The following PCCB variants were observed in gnomAD, a reference collection of about 807,000 sequenced individuals.
The protein encoded by PCCB is propionyl-CoA carboxylase subunit beta.
PCCB carries 43 observed loss-of-function variants against 60.7 expected under a neutral mutation model. The ratio of observed to expected loss-of-function variants is 0.71; its 90% CI spans 0.55 to 0.91. The LOEUF (loss-of-function observed/expected upper bound fraction) is 0.91. PCCB is among the 40% of genes least tolerant of loss of function. The probability of loss-of-function intolerance (pLI) is 0.00; values close to 1 mark genes in which losing one functional copy is unlikely to be tolerated. For missense variants in PCCB, 766 were observed against 702.8 expected (o/e 1.09, Z -1.02); for synonymous variants, 276 against 255.9 (o/e 1.08, Z -0.75).
chr3:136,251,131 C>T, intron 1 of PCCB: 1 of 440,400 alleles, frequency 2.3e-6, no homozygotes, highest in Admixed American at 2.4e-5. Context: ...TGATGGGTAG[C>T]AAAGGCACGT....
At chr3:136,327,583 C>A in intron 12 of PCCB, 51 bp from the exon 13 acceptor site, 1 of 1,382,568 alleles carries the variant, frequency 7.2e-7, no homozygotes, top group Non-Finnish European at 1.0e-6. Context: ...CTTTCAGGGA[C>A]ATGATCTGGC....
Position 136,260,500 on chromosome 3 carries a change from A to G in PCCB, c.394A>G (p.Ser132Gly). 6.2e-7 allele frequency: 1 copy of G among 1,613,752 alleles called. No homozygotes were observed. The highest frequency in any genetic ancestry group is 8.5e-7 in the Non-Finnish European group (1 of 1,179,698). Reference sequence around the variant, plus strand: ...TTAGGATTTTACAGTTTTTGGAGGCAGTCTGTCAGGAGCACATGCCCAAAA... The same window carrying G: ...TTAGGATTTTACAGTTTTTGGAGGCGGTCTGTCAGGAGCACATGCCCAAAA... ...FSQDFTVFGG[S>G]LSGAHAQKIC... is the part of the protein sequence containing the mutation. The change falls in exon 4 of 15, where the codon AGT (serine) becomes GGT (glycine). Residue 132 changes from serine to glycine, a missense_variant. By Grantham distance (56) the Ser-to-Gly change is moderately conservative. Transcript: ENST00000251654.
At chr3:136,323,353 C>T (rs898683406) in intron 10 of PCCB, among the ~76,000 whole-genome samples, 1 of 152,186 alleles carries the variant, frequency 6.6e-6, no homozygotes, top group Non-Finnish European at 1.5e-5. Flanking sequence ...CTTCTGCCTG[C>T]TCAAATCTCC....
intron 6 of PCCB, 55 bp from the exon 7 acceptor site, chr3:136,293,701 C>T (rs920018872): frequency 1.9e-6 from 2 of 1,079,122 alleles, no homozygotes; most frequent in African/African-American, 1.5e-5. Flanking sequence ...AACTCTAAGG[C>T]TGTGACCAGC....
intron 1 of PCCB, among the ~76,000 whole-genome samples, chr3:136,255,055 TAATA>T (rs1319448208): frequency 6.6e-6 from 1 of 152,028 alleles, no homozygotes; most frequent in Non-Finnish European, 1.5e-5. Context: ...TTTGTATCTT[TAATA>T]GAGATGGGGT....
At chr3:136,280,595 C>G (rs1054184787) in intron 5 of PCCB, among the ~76,000 whole-genome samples, 1 of 152,214 alleles carries the variant, frequency 6.6e-6, no homozygotes, top group Non-Finnish European at 1.5e-5. Context: ...GTTCACCTGC[C>G]TTGGTCTCCC....
chr3:136,277,739 C>T (rs1262217019), intron 5 of PCCB, among the ~76,000 whole-genome samples: 4 of 152,134 alleles, frequency 2.6e-5, no homozygotes, highest in South Asian at 2.1e-4. Context: ...CCCACACGGT[C>T]GGAAAGGCAG....
intron 5 of PCCB, among the ~76,000 whole-genome samples, chr3:136,268,087 G>GATATAGATATATATATATATAT (rs1313121628): frequency 1.1e-5 from 1 of 93,800 alleles, no homozygotes; most frequent in African/African-American, 4.6e-5. Context: ...TGTGTGTGTA[G>GATATAGATATATATATATATAT]ATATATATAT....
Position 136,328,066 on chromosome 3 carries a change from T to A in PCCB, c.1398+334T>A, listed in dbSNP as rs571959570. Among the ~76,000 whole-genome samples the A allele has an allele frequency of 1.2e-4, 19 of 152,224 alleles. No homozygotes were observed. In the South Asian group the frequency reaches 2.9e-3, roughly 23 times the overall value. On this transcript the variant is annotated intron_variant, in intron 13 of 14. Transcript: ENST00000251654. ...AGTCAACTGAAGTCACCTTCAGAAGTATTGGACATTCTCCCAGCTCCACCT... is the reference window on the plus strand; with the variant it reads ...AGTCAACTGAAGTCACCTTCAGAAGAATTGGACATTCTCCCAGCTCCACCT...
At chr3:136,255,172 C>G (rs1185257344) in intron 1 of PCCB, 1 of 153,668 alleles carries the variant, frequency 6.5e-6, no homozygotes, top group African/African-American at 2.4e-5. Context: ...CCGTGCCCGG[C>G]CCAAAGAAGC....
chr3:136,268,061 T>TA (rs1942056362), intron 5 of PCCB, among the ~76,000 whole-genome samples: 1 of 92,556 alleles, frequency 1.1e-5, no homozygotes, highest in African/African-American at 3.5e-5. Flanking sequence ...TGTGTGTGTG[T>TA]GTGCGTGTGT....
At chr3:136,283,371 C>T (rs553235998) in intron 5 of PCCB, among the ~76,000 whole-genome samples, 2 of 152,144 alleles carry the variant, frequency 1.3e-5, no homozygotes, top group Non-Finnish European at 2.9e-5. Flanking sequence ...TCAAGAAGCA[C>T]CTGCTTGTAC....
rs1247681965 is a variant in PCCB, at chr3:136,302,281, C to G, written c.966+1170C>G. Among the ~76,000 whole-genome samples the G allele has an allele frequency of 2.1e-5, 2 of 93,152 alleles. 1 individual carries two copies. Among genetic ancestry groups the G allele is most frequent in the Non-Finnish European group, 5.2e-5 (2 of 38,416 alleles). 61.1% of individuals were successfully genotyped at this position (93,152 alleles called of 152,430 possible). ...CTATGCTAAGAGCTGAAATTAACTCCAATTTTCAGTCCAATCCTTCCCCTG... is the reference window on the plus strand; with the variant it reads ...CTATGCTAAGAGCTGAAATTAACTCGAATTTTCAGTCCAATCCTTCCCCTG... On this transcript the variant is annotated intron_variant, in intron 9 of 14. Coordinates refer to ENST00000251654, the MANE Select transcript of PCCB (RefSeq NM_000532.5).
intron 10 of PCCB, among the ~76,000 whole-genome samples, 178 bp downstream of exon 10, chr3:136,317,242 T>TTTTTA (rs869106733): frequency 7.6e-6 from 1 of 130,768 alleles, no homozygotes; most frequent in Non-Finnish European, 1.7e-5. Context: ...TTTTTTTTTT[T>TTTTTA]AGACAGGGTC....
In PCCB at chr3:136,250,553, A is replaced by T; in HGVS notation, c.178A>T (p.Lys60Ter). ...CCAACGCCGTATTGACGCGCAGCAC[A>T]AGCGAGTGAGTCCTGAGGGGCCTAA... is the stretch of plus-strand genomic sequence containing the variant. ...GGQRRIDAQH[K>*]RGKLTARERI... The change falls in exon 1 of 15, where the codon AAG becomes TAG. Residue 60 changes from lysine to a stop codon, truncating the protein, a stop_gained. Transcript: ENST00000251654. LOFTEE classifies it high-confidence loss of function. The T allele has an allele frequency of 6.2e-7, 1 of 1,611,956 alleles. No homozygotes were observed.
intron 5 of PCCB, among the ~76,000 whole-genome samples, chr3:136,279,640 T>A (rs1942421556): frequency 6.6e-6 from 1 of 152,154 alleles, no homozygotes. Context: ...ATTTATTGTT[T>A]CATGCATTTG....
chr3:136,256,020 A>G, intron 2 of PCCB, 45 bp downstream of exon 2: 1 of 1,613,738 alleles, frequency 6.2e-7, no homozygotes, highest in Non-Finnish European at 8.5e-7. Context: ...GGTGTGGCTC[A>G]GCTGGCCTAC....
In PCCB at chr3:136,268,094, ATATATATATATATATATATATATATATG is replaced by A. The variant is rs1407987639; in HGVS notation, c.543+6049_543+6076del. ...TGTGTGTGTGTGTGTGTAGATATAT[ATATATATATATATATATATATATATATG>A]TATATATATATATATATATCTACAT... is the stretch of plus-strand genomic sequence containing the variant. On this transcript the variant is annotated intron_variant, in intron 5 of 14. Coordinates refer to ENST00000251654, the MANE Select transcript of PCCB (RefSeq NM_000532.5). Among the ~76,000 whole-genome samples, 7 of 64,298 alleles carry A rather than the reference ATATATATATATATATATATATATATATG, an allele frequency of 1.1e-4. 1 individual carries two copies. Among genetic ancestry groups the A allele is most frequent in the African/African-American group, 5.8e-4 (7 of 12,170 alleles). The allele number at this position is 64,298 out of a possible 152,430, so 42.2% of individuals were successfully genotyped here. A position where few individuals can be genotyped will look rare whatever the true frequency, so the allele number is the denominator to read the frequency against.
At chr3:136,262,231 C>T (rs925669547) in intron 5 of PCCB, among the ~76,000 whole-genome samples, 166 bp downstream of exon 5, 1 of 152,084 alleles carries the variant, frequency 6.6e-6, no homozygotes, top group Non-Finnish European at 1.5e-5. Flanking sequence ...AGATGAAAAG[C>T]AAGAGAGAGT....
Sources: allele counts gnomAD v4.1 joint callset (sites outside exome capture counted in the v4.1 genomes callset), GRCh38; gene constraint gnomAD v4.1.1; transcripts MANE v1.5; gene names NCBI Gene and HGNC (gene_info 2026-07-23, HGNC 2026-07-21).